The following SYNPO2 variants were observed in gnomAD, a reference collection of about 807,000 sequenced individuals.
The protein encoded by SYNPO2 is synaptopodin-2.
SYNPO2 carries 56 observed loss-of-function variants against 85.0 expected under a neutral mutation model. That is an observed-to-expected ratio of 0.66 (90% confidence interval 0.53 to 0.82). The LOEUF is 0.82. SYNPO2 is among the 40% of genes least tolerant of loss of function. The probability of loss-of-function intolerance (pLI) is 0.00; values close to 1 mark genes in which losing one functional copy is unlikely to be tolerated. For synonymous variants in SYNPO2, 602 were observed against 591.1 expected, an observed-to-expected ratio of 1.02 and a Z score of -0.27; for missense variants, 1,575 against 1,534.2, an observed-to-expected ratio of 1.03 and a Z score of -0.44.
chr4:119,058,925 A>C lies in SYNPO2; in HGVS notation c.*991A>C, dbSNP rs901287759. ...TGAGGAATGATGTGATGTGTAGAGAATAGAAAGATTTAGATATATGCCTGT... is the reference window on the plus strand; with the variant it reads ...TGAGGAATGATGTGATGTGTAGAGACTAGAAAGATTTAGATATATGCCTGT... On this transcript the variant is annotated 3_prime_UTR_variant, in exon 5 of 5. Transcript: ENST00000307142. The C allele has an allele frequency of 6.6e-6, 1 of 152,224 alleles. No homozygotes were observed. The highest frequency in any genetic ancestry group is 2.4e-5 in the African/African-American group (1 of 41,454). 9.4% of individuals were successfully genotyped at this position (152,224 alleles called of 1,614,324 possible).
chr4:118,986,547 A>G (rs568268564), intron 1 of SYNPO2, among the ~76,000 whole-genome samples: 11 of 152,352 alleles, frequency 7.2e-5, no homozygotes, highest in African/African-American at 2.6e-4. Flanking sequence ...TACCAAAGGT[A>G]TCTATGAGAA....
chr4:118,856,486 A>T (rs1402512473), intron 1 of SYNPO2, among the ~76,000 whole-genome samples: 1 of 152,162 alleles, frequency 6.6e-6, no homozygotes, highest in Middle Eastern at 3.2e-3. Flanking sequence ...ACTCCAGATT[A>T]TTATTTCGAA....
intron 4 of SYNPO2, chr4:119,033,841 T>G (rs568460210): frequency 1.0e-6 from 1 of 984,858 alleles, no homozygotes; most frequent in African/African-American, 1.7e-5. Flanking sequence ...TTCATTGTTG[T>G]TAGCATATCT....
intron 1 of SYNPO2, among the ~76,000 whole-genome samples, chr4:118,944,519 C>T (rs1216314605): frequency 2.0e-5 from 3 of 151,942 alleles, no homozygotes; most frequent in Non-Finnish European, 4.4e-5. Context: ...AAATATCAGC[C>T]AAAACTAAGC....
chr4:119,031,245 G>A lies in SYNPO2; in HGVS notation c.2470G>A (p.Val824Met), dbSNP rs1430340370. Residue 824 changes from valine to methionine, a missense_variant, in exon 4 of 5, where the codon GTG becomes ATG. By Grantham distance (21) the Val-to-Met change is conservative. Around this residue, in one of 3 missense-constraint regions of SYNPO2, gnomAD observed 1,508 missense variants for 1,446.8 expected, o/e 1.04. Coordinates refer to ENST00000307142, the MANE Select transcript of SYNPO2 (RefSeq NM_133477.3). ...TGCCCGGCCTGCAAGTACTTTGAAC[G>A]TGGCTGGTCCCTTCAAAGGACCACA... ...PPARPASTLN[V>M]AGPFKGPQAA... is the part of the protein sequence containing the mutation. 4 of 1,614,074 alleles carry A rather than the reference G, an allele frequency of 2.5e-6. No homozygotes were observed. The highest frequency in any genetic ancestry group is 2.2e-5 in the East Asian group (1 of 44,862).
intron 1 of SYNPO2, among the ~76,000 whole-genome samples, chr4:119,005,147 A>G (rs1397918348): frequency 7.9e-5 from 12 of 152,062 alleles, no homozygotes; most frequent in African/African-American, 2.7e-4. Context: ...AGATGAGTAG[A>G]TTGCGAAAAT....
chr4:119,024,798 A>G (rs1177604313), intron 2 of SYNPO2, among the ~76,000 whole-genome samples: 1 of 152,226 alleles, frequency 6.6e-6, no homozygotes, highest in Non-Finnish European at 1.5e-5. Context: ...TATTTTAAAT[A>G]TCTGAATATT....
chr4:118,986,639 T>C (rs1736231813), intron 1 of SYNPO2, among the ~76,000 whole-genome samples: 1 of 152,204 alleles, frequency 6.6e-6, no homozygotes, highest in Non-Finnish European at 1.5e-5. Flanking sequence ...GGATTTAGTC[T>C]ATGATTTAGA....
intron 1 of SYNPO2, among the ~76,000 whole-genome samples, chr4:118,893,197 A>G (rs750927676): frequency 1.4e-4 from 22 of 152,196 alleles, no homozygotes; most frequent in Non-Finnish European, 2.5e-4. Context: ...TATAGAAGTT[A>G]GTGTGCTCTA....
At chr4:118,979,072 G>A (rs192142407) in intron 1 of SYNPO2, among the ~76,000 whole-genome samples, 221 of 152,106 alleles carry the variant, frequency 1.5e-3, no homozygotes, top group African/African-American at 5.1e-3. Flanking sequence ...GGCCTCTTTC[G>A]CTTTCCAATC....
At chr4:118,972,721 C>A (rs1735583148) in intron 1 of SYNPO2, among the ~76,000 whole-genome samples, 1 of 152,144 alleles carries the variant, frequency 6.6e-6, no homozygotes, top group South Asian at 2.1e-4. Flanking sequence ...TTGCCCACTG[C>A]CTACAATTTT....
At chr4:119,039,253 C>T (rs1272232198) in intron 4 of SYNPO2, among the ~76,000 whole-genome samples, 2 of 152,056 alleles carry the variant, frequency 1.3e-5, no homozygotes, top group African/African-American at 4.8e-5. Flanking sequence ...ACTTGTGTAA[C>T]ATGGTAGGGC....
intron 1 of SYNPO2, among the ~76,000 whole-genome samples, chr4:119,014,423 T>G (rs1481677329): frequency 6.6e-6 from 1 of 152,010 alleles, no homozygotes; most frequent in African/African-American, 2.4e-5. Flanking sequence ...CAAAAATAAA[T>G]AAATAAATAA....
At chr4:118,878,970 C>T (rs756271900) in intron 1 of SYNPO2, among the ~76,000 whole-genome samples, 1 of 152,222 alleles carries the variant, frequency 6.6e-6, no homozygotes, top group Admixed American at 6.5e-5. Flanking sequence ...GTAACACTCA[C>T]TGCGAAGGTC....
intron 1 of SYNPO2, among the ~76,000 whole-genome samples, chr4:118,992,533 G>A (rs191028397): frequency 6.6e-6 from 1 of 152,290 alleles, no homozygotes; most frequent in Non-Finnish European, 1.5e-5. Context: ...AAAAGTGAAA[G>A]TGACAATGCC....
At chr4:119,022,767 T>A (rs1431181751) in intron 1 of SYNPO2, among the ~76,000 whole-genome samples, 1 of 101,406 alleles carries the variant, frequency 9.9e-6, no homozygotes, top group Non-Finnish European at 2.2e-5. Context: ...ATTTTATATT[T>A]TATTTTATTT....
At chr4:118,962,151 C>T (rs1735121427) in intron 1 of SYNPO2, among the ~76,000 whole-genome samples, 1 of 152,120 alleles carries the variant, frequency 6.6e-6, no homozygotes, top group South Asian at 2.1e-4. Flanking sequence ...TGGATGAATT[C>T]CTGAGAGCAG....
At chr4:118,927,927 G>C (rs570601679) in intron 1 of SYNPO2, among the ~76,000 whole-genome samples, 1 of 152,184 alleles carries the variant, frequency 6.6e-6, no homozygotes, top group East Asian at 1.9e-4. Flanking sequence ...GATCTACACA[G>C]ATTAAACTTT....
chr4:118,922,393 C>T (rs1368287089), intron 1 of SYNPO2, among the ~76,000 whole-genome samples: 2 of 151,998 alleles, frequency 1.3e-5, no homozygotes, highest in African/African-American at 4.8e-5. Context: ...AAAATATAAG[C>T]CATACAGGTA....
Sources: allele counts gnomAD v4.1 joint callset (sites outside exome capture counted in the v4.1 genomes callset), GRCh38; gene constraint gnomAD v4.1.1; regional missense constraint gnomAD v4.1.1; transcripts MANE v1.5; gene names NCBI Gene and HGNC (gene_info 2026-07-23, HGNC 2026-07-21).